The following TYW1B variants were observed in gnomAD, a reference collection of about 807,000 sequenced individuals.
The protein encoded by TYW1B is tRNA-yW synthesizing protein 1 homolog B, also known as S-adenosyl-L-methionine-dependent tRNA 4-demethylwyosine synthase TYW1B.
In TYW1B, 73 loss-of-function variants were observed where a neutral mutation model predicts 86.9. The observed-to-expected ratio is 0.84, with a 90% CI of 0.70 to 1.02. The LOEUF is 1.02. Ranked by LOEUF, TYW1B falls within the 50% of genes least tolerant of loss-of-function variation. TYW1B has a pLI of 0.00. For missense variants in TYW1B, 637 were observed against 827.4 expected (o/e 0.77, Z 2.82); for synonymous variants, 248 against 292.8 (o/e 0.85, Z 1.56).
intron 10 of TYW1B, among the ~76,000 whole-genome samples, chr7:72,705,988 T>C (rs577628150): frequency 1.3e-5 from 2 of 152,326 alleles, no homozygotes. Context: ...CAAAGCTGAA[T>C]GCACAGATGG....
At chr7:72,756,031 A>AC (rs1787581552) in intron 7 of TYW1B, among the ~76,000 whole-genome samples, 2 of 152,096 alleles carry the variant, frequency 1.3e-5, no homozygotes, top group African/African-American at 4.8e-5. Flanking sequence ...ACAGGGAGAG[A>AC]CAGGGCTCAC....
intron 6 of TYW1B, among the ~76,000 whole-genome samples, chr7:72,781,056 G>C (rs1554471542): frequency 6.6e-6 from 1 of 151,898 alleles, no homozygotes; most frequent in Non-Finnish European, 1.5e-5. Context: ...ATTTAAAGAT[G>C]AGTGGCCAAG....
At chr7:72,653,403 G>A (rs1362839799) in intron 11 of TYW1B, among the ~76,000 whole-genome samples, 5 of 151,944 alleles carry the variant, frequency 3.3e-5, no homozygotes, top group African/African-American at 4.8e-5. Flanking sequence ...TCAGGAGATC[G>A]AGACCATCCT....
intron 13 of TYW1B, among the ~76,000 whole-genome samples, chr7:72,596,671 A>G (rs1554432659): frequency 6.6e-6 from 1 of 152,174 alleles, no homozygotes; most frequent in African/African-American, 2.4e-5. Flanking sequence ...TTAAAATTAT[A>G]AGACTCTTAG....
intron 6 of TYW1B, among the ~76,000 whole-genome samples, chr7:72,781,255 C>T (rs2129572098): frequency 6.6e-6 from 1 of 152,130 alleles, no homozygotes; most frequent in Non-Finnish European, 1.5e-5. Context: ...AACCAAAGGG[C>T]TCTGATCAGG....
intron 7 of TYW1B, among the ~76,000 whole-genome samples, chr7:72,768,510 A>G (rs1162864829): frequency 2.0e-5 from 3 of 152,166 alleles, no homozygotes; most frequent in Non-Finnish European, 4.4e-5. Context: ...CCTGTAGGCC[A>G]GGCGCGGTGG....
At chr7:72,641,350 T>C (rs1812795090) in intron 11 of TYW1B, among the ~76,000 whole-genome samples, 1 of 151,998 alleles carries the variant, frequency 6.6e-6, no homozygotes, top group African/African-American at 2.4e-5. Context: ...CCAAAAAAAA[T>C]AGAAGAGGAA....
At chr7:72,716,070 A>G (rs545791821) in intron 9 of TYW1B, among the ~76,000 whole-genome samples, 2 of 152,298 alleles carry the variant, frequency 1.3e-5, no homozygotes, top group South Asian at 4.1e-4. Flanking sequence ...AGCTGGGACT[A>G]CACCGGGCTG....
chr7:72,716,797 T>C (rs1487623796), intron 9 of TYW1B, among the ~76,000 whole-genome samples: 3 of 136,916 alleles, frequency 2.2e-5, no homozygotes, highest in Non-Finnish European at 4.6e-5. Flanking sequence ...CACCACCACG[T>C]CTGGCTAATT....
intron 7 of TYW1B, among the ~76,000 whole-genome samples, chr7:72,757,453 TATAC>T: frequency 6.6e-6 from 1 of 151,104 alleles, no homozygotes; most frequent in East Asian, 1.9e-4. Flanking sequence ...ATGGAGAACT[TATAC>T]TACATAATTT....
intron 11 of TYW1B, among the ~76,000 whole-genome samples, chr7:72,647,210 C>T (rs1438000656): frequency 1.3e-5 from 2 of 152,016 alleles, no homozygotes; most frequent in Admixed American, 1.3e-4. Context: ...TCAGTGCTGC[C>T]TAGAGTTTAG....
At chr7:72,627,977 A>G (rs1812388839) in intron 12 of TYW1B, among the ~76,000 whole-genome samples, 1 of 152,182 alleles carries the variant, frequency 6.6e-6, no homozygotes, top group African/African-American at 2.4e-5. Flanking sequence ...TGAGCCCAGT[A>G]CTCTGAATAA....
At chr7:72,631,290 C>T (rs1482162106) in intron 11 of TYW1B, among the ~76,000 whole-genome samples, 1 of 151,980 alleles carries the variant, frequency 6.6e-6, no homozygotes, top group Non-Finnish European at 1.5e-5. Context: ...AAGTGGGTCG[C>T]TCACTTGAGG....
chr7:72,611,369 A>G (rs1160660330), intron 13 of TYW1B, among the ~76,000 whole-genome samples: 6 of 152,114 alleles, frequency 3.9e-5, no homozygotes, highest in South Asian at 4.2e-4. Context: ...GGCAGTTCCC[A>G]TAATTCCCAC....
At chr7:72,653,475 C>G (rs1338190219) in intron 11 of TYW1B, among the ~76,000 whole-genome samples, 1 of 151,994 alleles carries the variant, frequency 6.6e-6, no homozygotes, top group Non-Finnish European at 1.5e-5. Context: ...GGCGTGGTGG[C>G]GAGCACCTGT....
At chr7:72,621,437 C>CA (rs1554437955) in intron 12 of TYW1B, among the ~76,000 whole-genome samples, 1 of 152,242 alleles carries the variant, frequency 6.6e-6, no homozygotes, top group African/African-American at 2.4e-5. Context: ...CTTGCGCTAA[C>CA]AATGGACCAT....
intron 13 of TYW1B, among the ~76,000 whole-genome samples, chr7:72,602,956 C>T (rs1811702754): frequency 1.3e-5 from 2 of 151,572 alleles, no homozygotes; most frequent in Admixed American, 1.3e-4. Flanking sequence ...AAAGCTGGGA[C>T]AATTTGAGCA....
At chr7:72,695,393 G>C (rs1554451278) in intron 10 of TYW1B, among the ~76,000 whole-genome samples, 3 of 152,172 alleles carry the variant, frequency 2.0e-5, no homozygotes, top group African/African-American at 7.2e-5. Context: ...ACTTTATGTA[G>C]TGCAGACCTA....
At chr7:72,699,536 A>T (rs1814406988) in intron 10 of TYW1B, among the ~76,000 whole-genome samples, 1 of 152,192 alleles carries the variant, frequency 6.6e-6, no homozygotes. Flanking sequence ...TCTTAACCAC[A>T]ATTTAAAAAT....
Sources: gnomAD v4.1 joint callset for allele counts (sites outside exome capture counted in the v4.1 genomes callset) on GRCh38, gnomAD v4.1.1 for gene constraint, MANE v1.5 for transcripts, NCBI Gene and HGNC (gene_info 2026-07-23, HGNC 2026-07-21) for gene names.